Variants in USP26 observed in about 807,000 individuals in gnomAD.
The protein encoded by USP26 is ubiquitin specific peptidase 26, also known as ubiquitin carboxyl-terminal hydrolase 26.
For missense variants in USP26, 649 were observed against 642.3 expected, an observed-to-expected ratio of 1.01 and a Z score of -0.11; for synonymous variants, 236 against 240.6, an observed-to-expected ratio of 0.98 and a Z score of 0.18.
intron 5 of USP26, among the ~76,000 whole-genome samples, chrX:133,037,919 T>C (rs927888265): frequency 2.7e-5 from 3 of 111,384 alleles, no homozygotes; most frequent in Admixed American, 1.9e-4. Context: ...AGGTATTTTC[T>C]TTGTAGCAAT....
intron 5 of USP26, among the ~76,000 whole-genome samples, chrX:133,050,848 A>G (rs2148530391): frequency 8.9e-6 from 1 of 112,076 alleles, no homozygotes; most frequent in African/African-American, 3.2e-5. Flanking sequence ...CACTGTTAAT[A>G]TGGTAGCCAC....
At chrX:133,078,461 G>A (rs772420093) in intron 5 of USP26, among the ~76,000 whole-genome samples, 8 of 111,732 alleles carry the variant, frequency 7.2e-5, no homozygotes, top group East Asian at 5.6e-4. Flanking sequence ...ATGTACAATC[G>A]CTGTTGTTAA....
chrX:133,027,688 T>C lies in USP26; in HGVS notation c.533A>G (p.Lys178Arg). 1 of 1,208,633 alleles carries C rather than the reference T, an allele frequency of 8.3e-7. No individual in the cohort carries two copies. The highest frequency in any genetic ancestry group is 1.1e-6 in the Non-Finnish European group (1 of 893,171). ...TCGELSENQH[K>R]KRKRMLSSSS... is the part of the protein sequence containing the mutation. ...AGATGAGAGCATTCTTTTCCTCTTC[T>C]TGTGCTGATTTTCTGATAACTCTCC... The change falls in exon 6 of 6, where the codon AAG (lysine) becomes AGG (arginine). Residue 178 changes from lysine to arginine, a missense_variant. By Grantham distance (26) the Lys-to-Arg change is conservative. Transcript: ENST00000511190.
intron 5 of USP26, among the ~76,000 whole-genome samples, chrX:133,034,079 T>G (rs2067387846): frequency 8.9e-6 from 1 of 111,818 alleles, no homozygotes; most frequent in Admixed American, 9.6e-5. Context: ...TTCCCACGTT[T>G]GAGTTTTCCT....
At chrX:133,074,484 A>C (rs2148535144) in intron 5 of USP26, among the ~76,000 whole-genome samples, 1 of 112,124 alleles carries the variant, frequency 8.9e-6, no homozygotes, top group Non-Finnish European at 1.9e-5. Flanking sequence ...CAGAAAAACA[A>C]CTCTGAGAAG....
intron 4 of USP26, among the ~76,000 whole-genome samples, chrX:133,087,128 G>C (rs891296250): frequency 2.7e-5 from 3 of 110,758 alleles, no homozygotes; most frequent in Admixed American, 9.7e-5. Context: ...ATGTTTTCAT[G>C]ACCAGAAATA....
At chrX:133,064,872 A>G (rs2067505942) in intron 5 of USP26, among the ~76,000 whole-genome samples, 1 of 111,706 alleles carries the variant, frequency 9.0e-6, no homozygotes, top group Admixed American at 9.5e-5. Flanking sequence ...GGAAATAACC[A>G]ATGTCAGAGC....
chrX:133,041,748 G>A (rs1214095788), intron 5 of USP26, among the ~76,000 whole-genome samples: 1 of 112,351 alleles, frequency 8.9e-6, no homozygotes, highest in African/African-American at 3.2e-5. Context: ...CCTTTGTCAG[G>A]ATCCACTGCT....
chrX:133,027,403 C>T lies in USP26; in HGVS notation c.818G>A (p.Ser273Asn), dbSNP rs560037542. The T allele has an allele frequency of 1.1e-4, 137 of 1,209,925 alleles. No individual in the cohort carries two copies. In the South Asian group the frequency reaches 2.2e-3, roughly 20 times the overall value. ...TTTATCCCACTTTGTGTAACCGTCA[C>T]TATACCCTTGTTGTAACAGAAATAC... is the stretch of plus-strand genomic sequence containing the variant. ...VLVFLLQQGY[S>N]DGYTKWDKLK... The change falls in exon 6 of 6, where the codon AGT becomes AAT. Residue 273 changes from serine (S) to asparagine (N), a missense_variant. By Grantham distance (46) the Ser-to-Asn change is conservative. Coordinates refer to ENST00000511190, the MANE Select transcript of USP26 (RefSeq NM_031907.3).
At chrX:133,046,961 A>G (rs1023408272) in intron 5 of USP26, among the ~76,000 whole-genome samples, 4 of 112,147 alleles carry the variant, frequency 3.6e-5, no homozygotes, top group Non-Finnish European at 5.6e-5. Context: ...AATGCACAGA[A>G]CCAAGAAAAC....
At chrX:133,054,584 GT>G (rs1425110229) in intron 5 of USP26, among the ~76,000 whole-genome samples, 1 of 111,333 alleles carries the variant, frequency 9.0e-6, no homozygotes, top group African/African-American at 3.3e-5. Flanking sequence ...GGCTTAGCTG[GT>G]TTTAAGATTC....
At chrX:133,077,836 C>G (rs1008609635) in intron 5 of USP26, among the ~76,000 whole-genome samples, 1 of 111,895 alleles carries the variant, frequency 8.9e-6, no homozygotes, top group African/African-American at 3.2e-5. Flanking sequence ...AACCCCAATA[C>G]TTTGAGAGGC....
chrX:133,061,941 A>G (rs1204175772), intron 5 of USP26, among the ~76,000 whole-genome samples: 1 of 111,029 alleles, frequency 9.0e-6, no homozygotes, highest in African/African-American at 3.3e-5. Context: ...AGAACCATTC[A>G]TTCCCCTGAA....
intron 5 of USP26, among the ~76,000 whole-genome samples, chrX:133,043,134 G>C (rs993589425): frequency 9.0e-6 from 1 of 111,481 alleles, no homozygotes; most frequent in Non-Finnish European, 1.9e-5. Context: ...AATTGAAGGG[G>C]GGACCAGAAA....
chrX:133,069,099 A>G lies in USP26; in HGVS notation c.-77+14608T>C, dbSNP rs1415309272. On this transcript the variant is annotated intron_variant, in intron 5 of 5. Coordinates refer to ENST00000511190, the MANE Select transcript of USP26 (RefSeq NM_031907.3). Reference sequence around the variant, plus strand: ...CTTTTATTTACTCCAATTACAGAGAAAATGGTATAAAAATCAGTTGTAGCA... The same window carrying G: ...CTTTTATTTACTCCAATTACAGAGAGAATGGTATAAAAATCAGTTGTAGCA... Among the ~76,000 whole-genome samples the G allele has an allele frequency of 4.5e-5, 5 of 111,860 alleles. No individual in the cohort carries two copies. In the East Asian group the frequency reaches 1.4e-3, roughly 31 times the overall value.
At chrX:133,081,360 G>A (rs370953715) in intron 5 of USP26, among the ~76,000 whole-genome samples, 506 of 32,083 alleles carry the variant, frequency 0.016, 3 homozygotes, top group African/African-American at 0.11. Context: ...GCAGTGGCAC[G>A]ATCTCCACTC....
chrX:133,066,534 C>A (rs1055366974), intron 5 of USP26, among the ~76,000 whole-genome samples: 1 of 111,226 alleles, frequency 9.0e-6, no homozygotes, highest in Non-Finnish European at 1.9e-5. Context: ...ATACGTAGAC[C>A]AATAGAACAG....
chrX:133,026,383 C>A lies in USP26; in HGVS notation c.1838G>T (p.Gly613Val), dbSNP rs1490089976. ...GCTTGCCCCTTTAAAGACTGTCTGG[C>A]CTTTTTTTTGTTCAGACTCCTTATC... The part of the protein sequence containing the change: ...GSDKESEQKK[G>V]QTVFKGASRR... The change falls in exon 6 of 6, where the codon GGC (glycine) becomes GTC (valine). Residue 613 changes from glycine (G) to valine (V), a missense_variant. Physicochemically the swap from Gly to Val is moderately radical, Grantham distance 109. Coordinates refer to ENST00000511190, the MANE Select transcript of USP26 (RefSeq NM_031907.3). 6.6e-6 allele frequency: 8 copies of A among 1,207,240 alleles called. No homozygotes were observed. The highest frequency in any genetic ancestry group is 6.7e-6 in the Non-Finnish European group (6 of 894,412).
chrX:133,042,878 A>G (rs1052022473), intron 5 of USP26, among the ~76,000 whole-genome samples: 1 of 111,225 alleles, frequency 9.0e-6, no homozygotes, highest in African/African-American at 3.3e-5. Flanking sequence ...CCTGGAACCA[A>G]TTTTGACAGT....
Sources: gnomAD v4.1 joint callset for allele counts (sites outside exome capture counted in the v4.1 genomes callset) on GRCh38, gnomAD v4.1.1 for gene constraint, MANE v1.5 for transcripts, NCBI Gene and HGNC (gene_info 2026-07-23, HGNC 2026-07-21) for gene names.